NCOA1: variants seen among roughly 807,000 people sequenced by gnomAD.
The protein encoded by NCOA1 is nuclear receptor coactivator 1.
In NCOA1, 35 loss-of-function variants were observed where a neutral mutation model predicts 150.9. The observed-to-expected ratio is 0.23, with a 90% CI of 0.18 to 0.31. The LOEUF (loss-of-function observed/expected upper bound fraction) is 0.31. Among genes scored for constraint, NCOA1 ranks in the 10% least tolerant of loss-of-function variants. The pLI is 1.00. For missense variants in NCOA1, 1,491 were observed against 1,749.3 expected (o/e 0.85, Z 2.63); for synonymous variants, 590 against 630.0 (o/e 0.94, Z 0.95).
At chr2:24,710,785 C>T in intron 13 of NCOA1, 146 bp from the exon 14 acceptor site, 1 of 754,012 alleles carries the variant, frequency 1.3e-6, no homozygotes, top group East Asian at 2.7e-5. Context: ...TTCCAAGTAG[C>T]CCCAATCATT....
intron 4 of NCOA1, among the ~76,000 whole-genome samples, chr2:24,655,069 TA>T (rs1670873489): frequency 6.6e-6 from 1 of 152,234 alleles, no homozygotes; most frequent in Admixed American, 6.5e-5. Context: ...TCTGTCACAA[TA>T]GAATGAAACT....
intron 1 of NCOA1, among the ~76,000 whole-genome samples, chr2:24,524,288 C>T (rs1236891007): frequency 6.6e-6 from 1 of 151,998 alleles, no homozygotes; most frequent in African/African-American, 2.4e-5. Flanking sequence ...TTTTTACTTA[C>T]TTACTTTTTA....
intron 1 of NCOA1, among the ~76,000 whole-genome samples, chr2:24,498,501 A>G (rs1445573454): frequency 2.0e-5 from 3 of 152,194 alleles, no homozygotes; most frequent in Admixed American, 6.5e-5. Flanking sequence ...TTTTCATTTG[A>G]GAAAAATCAG....
At chr2:24,495,096 T>G (rs893665161) in intron 1 of NCOA1, among the ~76,000 whole-genome samples, 1 of 139,958 alleles carries the variant, frequency 7.1e-6, no homozygotes, top group Non-Finnish European at 1.6e-5. Context: ...GAAGGTGTTT[T>G]TTTTTTGTTT....
rs201797752 is a variant in NCOA1 at position 24,603,179 on chromosome 2, TA to T, written c.-175+18626del. Among the ~76,000 whole-genome samples the T allele has an allele frequency of 1.0e-4, 11 of 107,210 alleles. No homozygotes were observed. In the South Asian group the frequency reaches 1.2e-3, roughly 12 times the overall value. The allele number at this position is 107,210 out of a possible 152,430, so 70.3% of individuals were successfully genotyped here. On this transcript the variant is annotated intron_variant, in intron 3 of 22. Coordinates refer to ENST00000348332, the MANE Select transcript of NCOA1 (RefSeq NM_003743.5). The stretch of plus-strand genomic sequence containing the variant: ...ATCAAGTGTGCAATAGCATTGTGTC[TA>T]AAAAAATATATATACCTTAATTAAA...
Position 24,658,657 on chromosome 2 carries a change from T to A in NCOA1, c.-17-4T>A, listed in dbSNP as rs1355907326. ...GATTTCTTACTGTTGTCCTTCCTGT[T>A]TAGGTGTGAAGTTTTTCAACATGAG... On this transcript the variant is annotated splice_polypyrimidine_tract_variant and splice_region_variant and intron_variant, in intron 4 of 22. Coordinates refer to ENST00000348332, the MANE Select transcript of NCOA1 (RefSeq NM_003743.5). 2 of 1,607,016 alleles carry A rather than the reference T, an allele frequency of 1.2e-6. No homozygotes were observed. The highest frequency in any genetic ancestry group is 1.7e-6 in the Non-Finnish European group (2 of 1,173,650).
intron 2 of NCOA1, among the ~76,000 whole-genome samples, chr2:24,568,884 T>C (rs1266361774): frequency 2.0e-5 from 3 of 152,216 alleles, no homozygotes; most frequent in Non-Finnish European, 4.4e-5. Context: ...TTGATACAGG[T>C]GTGTTACTGT....
chr2:24,537,384 T>C (rs955036019), intron 1 of NCOA1, among the ~76,000 whole-genome samples: 1 of 151,924 alleles, frequency 6.6e-6, no homozygotes, highest in East Asian at 1.9e-4. Flanking sequence ...TGGAAAAATA[T>C]TGTATGATCT....
chr2:24,686,463 A>G (rs1208493810), intron 8 of NCOA1, among the ~76,000 whole-genome samples: 2 of 152,206 alleles, frequency 1.3e-5, no homozygotes, highest in Non-Finnish European at 2.9e-5. Flanking sequence ...GAGTTAAGAA[A>G]GGACTTGCAT....
At chr2:24,732,304 A>T (rs1422883393) in intron 17 of NCOA1, among the ~76,000 whole-genome samples, 2 of 151,374 alleles carry the variant, frequency 1.3e-5, no homozygotes, top group African/African-American at 4.9e-5. Flanking sequence ...TAACAGAGTA[A>T]AGTATCCACC....
Position 24,726,570 on chromosome 2 carries a change from C to A in NCOA1, c.2600-19C>A, listed in dbSNP as rs142840721. The A allele has an allele frequency of 7.4e-4, 1,135 of 1,526,506 alleles. 3 individuals carry two copies. The highest frequency in any genetic ancestry group is 5.6e-3 in the Middle Eastern group (33 of 5,856). The allele number at this position is 1,526,506 out of a possible 1,614,324, so 94.6% of individuals were successfully genotyped here. The stretch of plus-strand genomic sequence containing the variant: ...CCTCCACTGAGATAATGACTTCTTA[C>A]CTTTTCTTCTTAAATCAGGATTACC... On this transcript the variant is annotated intron_variant, in intron 14 of 22. Coordinates refer to ENST00000348332, the MANE Select transcript of NCOA1 (RefSeq NM_003743.5).
At chr2:24,629,809 CATACATACATATATATATATATATAT>C (rs1175785974) in intron 3 of NCOA1, among the ~76,000 whole-genome samples, 2 of 97,378 alleles carry the variant, frequency 2.1e-5, no homozygotes, top group Non-Finnish European at 3.8e-5. Context: ...TTTTAAGTAA[CATACATACATATATATATATATATAT>C]ATATATATAT....
rs1435683283 is a variant in NCOA1, at chr2:24,752,002, G to A, written c.3727G>A (p.Ala1243Thr). Residue 1243 changes from alanine (A) to threonine (T), a missense_variant, in exon 20 of 23, where the codon GCC becomes ACC. Physicochemically the swap from Ala to Thr is moderately conservative, Grantham distance 58. Transcript: ENST00000348332. The part of the protein sequence containing the change: ...PGAGMVPQGE[A>T]NFAPSLSPGS... ...TACAGGAATGGTTCCCCAAGGTGAG[G>A]CCAACTTTGCTCCATCTCTAAGCCC... 6.2e-7 allele frequency: 1 copy of A among 1,612,750 alleles called. No individual in the cohort carries two copies. The highest frequency in any genetic ancestry group is 1.3e-5 in the African/African-American group (1 of 74,980).
chr2:24,597,578 G>A (rs1667933519), intron 3 of NCOA1, among the ~76,000 whole-genome samples: 1 of 152,150 alleles, frequency 6.6e-6, no homozygotes. Flanking sequence ...GAAATCTGTA[G>A]AGTGGGCTGG....
Position 24,691,466 on chromosome 2 carries a change from AT to A in NCOA1, c.533-10del, listed in dbSNP as rs778057533. ...CACCATATTCGCAAGCACATAATCA[AT>A]TTTTCTTCCTCAGTAAATGGAGTTC... On this transcript the variant is annotated splice_polypyrimidine_tract_variant and intron_variant, in intron 8 of 22. Coordinates refer to ENST00000348332, the MANE Select transcript of NCOA1 (RefSeq NM_003743.5). The A allele has an allele frequency of 3.7e-6, 6 of 1,610,982 alleles. No homozygotes were observed. The highest frequency in any genetic ancestry group is 5.1e-6 in the Non-Finnish European group (6 of 1,178,476).
intron 3 of NCOA1, among the ~76,000 whole-genome samples, chr2:24,627,082 C>G (rs934910755): frequency 1.8e-4 from 26 of 147,934 alleles, no homozygotes; most frequent in African/African-American, 6.2e-4. Flanking sequence ...TTTTAAAATT[C>G]CTTACTAATG....
chr2:24,722,043 T>C (rs1674381584), intron 14 of NCOA1, among the ~76,000 whole-genome samples: 1 of 152,226 alleles, frequency 6.6e-6, no homozygotes, highest in Non-Finnish European at 1.5e-5. Context: ...ATCTGCCACA[T>C]TGAACCACAA....
At chr2:24,570,379 A>G (rs927099442) in intron 2 of NCOA1, among the ~76,000 whole-genome samples, 20 of 152,130 alleles carry the variant, frequency 1.3e-4, no homozygotes, top group Admixed American at 9.2e-4. Context: ...AGAAGATGAG[A>G]CAATCTGAGC....
At chr2:24,621,514 T>C (rs190513504) in intron 3 of NCOA1, among the ~76,000 whole-genome samples, 16 of 130,770 alleles carry the variant, frequency 1.2e-4, no homozygotes, top group African/African-American at 4.6e-4. Flanking sequence ...GTCTCAAGGC[T>C]GGAGTGCAAT....
Sources: gnomAD v4.1 joint callset for allele counts (sites outside exome capture counted in the v4.1 genomes callset) on GRCh38, gnomAD v4.1.1 for gene constraint, MANE v1.5 for transcripts, NCBI Gene and HGNC (gene_info 2026-07-23, HGNC 2026-07-21) for gene names.